The following GPR141 variants were observed in gnomAD, a reference collection of about 807,000 sequenced individuals.
GPR141 encodes the protein probable G protein-coupled receptor 141.
GPR141 carries 6 observed loss-of-function variants against 6.8 expected under a neutral mutation model. The ratio of observed to expected loss-of-function variants is 0.88; its 90% CI spans 0.48 to 1.74. The LOEUF (loss-of-function observed/expected upper bound fraction) is 1.74. Among genes scored for constraint, GPR141 ranks in the 40% most tolerant of loss-of-function variants. GPR141 has a pLI of 0.01. For synonymous variants in GPR141, 140 were observed against 142.3 expected (o/e 0.98, Z 0.11); for missense variants, 372 against 372.9 (o/e 1.00, Z 0.02).
At chr7:37,705,021 T>C (rs1810462651) in intron 2 of GPR141, among the ~76,000 whole-genome samples, 1 of 152,182 alleles carries the variant, frequency 6.6e-6, no homozygotes, top group African/African-American at 2.4e-5. Context: ...ATACTTAGTA[T>C]GCAATAGCCA....
rs374814193 is a variant in GPR141, at chr7:37,727,932, G to A, written c.-14-12448G>A. Among the ~76,000 whole-genome samples, 6 of 152,342 alleles carry A rather than the reference G, an allele frequency of 3.9e-5. No homozygotes were observed. The East Asian group carries it at 1.2e-3, about 29-fold the overall frequency. On this transcript the variant is annotated intron_variant, in intron 2 of 2. Coordinates refer to ENST00000334425, the MANE Select transcript of GPR141 (RefSeq NM_001381946.1). ...ATGCCGTAAATATGGGAATCCTCAT[G>A]TACAGATTCTCACCCACGTTCTCCT...
At chr7:37,727,094 C>T (rs373255048) in intron 2 of GPR141, among the ~76,000 whole-genome samples, 12 of 152,154 alleles carry the variant, frequency 7.9e-5, no homozygotes, top group South Asian at 4.1e-4. Context: ...TATTATACAT[C>T]GAAGTGGATA....
At chr7:37,696,942 A>G (rs1810044745) in intron 2 of GPR141, among the ~76,000 whole-genome samples, 1 of 152,194 alleles carries the variant, frequency 6.6e-6, no homozygotes, top group African/African-American at 2.4e-5. Flanking sequence ...ATAGTAAAAT[A>G]GAAATGATTT....
intron 2 of GPR141, among the ~76,000 whole-genome samples, chr7:37,720,042 T>G (rs1811243006): frequency 6.6e-6 from 1 of 152,138 alleles, no homozygotes; most frequent in Non-Finnish European, 1.5e-5. Context: ...GGAGGGTTAC[T>G]GGTCAAAGAG....
intron 2 of GPR141, among the ~76,000 whole-genome samples, chr7:37,695,927 GGTCCCTTGTATAAATGA>G (rs1467606230): frequency 2.6e-5 from 4 of 152,008 alleles, no homozygotes; most frequent in Non-Finnish European, 5.9e-5. Flanking sequence ...GACAATTTTA[GGTCCCTTGTATAAATGA>G]AATTACATAA....
intron 2 of GPR141, among the ~76,000 whole-genome samples, chr7:37,737,240 T>C (rs1163932094): frequency 2.0e-5 from 3 of 152,238 alleles, no homozygotes; most frequent in Admixed American, 2.0e-4. Flanking sequence ...TTTATTATAA[T>C]TCCTGTGTTT....
At chr7:37,689,868 CTTG>C (rs971713862) in intron 2 of GPR141, among the ~76,000 whole-genome samples, 14 of 150,734 alleles carry the variant, frequency 9.3e-5, no homozygotes, top group South Asian at 2.1e-4. Context: ...TTTCATTTCT[CTTG>C]TTATTTTTTT....
intron 2 of GPR141, among the ~76,000 whole-genome samples, chr7:37,696,956 C>T (rs1477033774): frequency 6.6e-6 from 1 of 151,782 alleles, no homozygotes; most frequent in African/African-American, 2.4e-5. Context: ...ATGATTTTAC[C>T]TAATTTATCT....
intron 2 of GPR141, among the ~76,000 whole-genome samples, chr7:37,688,824 C>G (rs566736072): frequency 6.6e-6 from 1 of 152,286 alleles, no homozygotes; most frequent in African/African-American, 2.4e-5. Context: ...AAGGGCTTAT[C>G]AAAATTTTCC....
chr7:37,721,693 T>C (rs1456355950), intron 2 of GPR141, among the ~76,000 whole-genome samples: 2 of 152,202 alleles, frequency 1.3e-5, no homozygotes, highest in Non-Finnish European at 2.9e-5. Flanking sequence ...TGGCAGATTA[T>C]ATTGGGCTCC....
At position 37,740,403 on chromosome 7, in the gene GPR141, C is replaced by T; in HGVS notation, c.10C>T (p.His4Tyr). The T allele has an allele frequency of 6.3e-7, 1 of 1,595,516 alleles. No homozygotes were observed. The highest frequency in any genetic ancestry group is 8.6e-7 in the Non-Finnish European group (1 of 1,167,758). ...AGGTGACTTCCCAAGTATGCCTGGC[C>T]ACAATACCTCCAGGAATTCCTCTTG... MPG[H>Y]NTSRNSSCDP... Residue 4 changes from histidine (H) to tyrosine (Y), a missense_variant, in exon 3 of 3, where the codon CAC becomes TAC. Physicochemically the swap from His to Tyr is moderately conservative, Grantham distance 83 (BLOSUM62 2). Transcript: ENST00000334425.
intron 2 of GPR141, among the ~76,000 whole-genome samples, chr7:37,730,467 A>G (rs1308800405): frequency 6.6e-6 from 1 of 152,234 alleles, no homozygotes; most frequent in East Asian, 1.9e-4. Context: ...ATCTAAACAT[A>G]TATCATCTAA....
In GPR141 at chr7:37,740,676, C is replaced by T. The variant is rs1164638823; in HGVS notation, c.283C>T (p.Leu95=). ...LPFCKFVSAM[L]HIHMYLTFLF... is the part of the protein sequence containing the mutation. ...CTTCTGCAAATTTGTGAGTGCCATG[C>T]TGCACATCCACATGTACCTCACGTT... is the stretch of plus-strand genomic sequence containing the variant. Residue 95 remains leucine (L), a synonymous_variant, in exon 3 of 3, where the codon CTG becomes TTG. Transcript: ENST00000334425. 18 of 1,614,016 alleles carry T rather than the reference C, an allele frequency of 1.1e-5. No homozygotes were observed. Among genetic ancestry groups the T allele is most frequent in the Non-Finnish European group, 1.4e-5 (16 of 1,180,006 alleles).
chr7:37,734,218 T>G (rs1277117602), intron 2 of GPR141, among the ~76,000 whole-genome samples: 1 of 152,182 alleles, frequency 6.6e-6, no homozygotes, highest in Non-Finnish European at 1.5e-5. Context: ...ATGTTGTATA[T>G]TGTTTTAATT....
chr7:37,739,351 G>A (rs1015676360), intron 2 of GPR141, among the ~76,000 whole-genome samples: 2 of 152,122 alleles, frequency 1.3e-5, no homozygotes, highest in African/African-American at 4.8e-5. Context: ...AGAGTATCAA[G>A]ACACTTCTTT....
intron 2 of GPR141, among the ~76,000 whole-genome samples, chr7:37,738,507 T>G (rs1812365431): frequency 6.6e-6 from 1 of 152,168 alleles, no homozygotes; most frequent in South Asian, 2.1e-4. Context: ...GATTTCAGCC[T>G]ACGGATGAAA....
chr7:37,708,310 C>CAAAAAATAAAAAAAAA, intron 2 of GPR141, among the ~76,000 whole-genome samples: 1 of 59,778 alleles, frequency 1.7e-5, no homozygotes, highest in Non-Finnish European at 2.8e-5. Flanking sequence ...AAATTGCTGG[C>CAAAAAATAAAAAAAAA]AAAAAAAAAA....
chr7:37,727,610 A>T (rs1228202447), intron 2 of GPR141, among the ~76,000 whole-genome samples: 1 of 152,120 alleles, frequency 6.6e-6, no homozygotes, highest in Non-Finnish European at 1.5e-5. Context: ...ATATCCAGTG[A>T]CTGTTCTTTG....
chr7:37,733,279 G>C (rs559838532), intron 2 of GPR141, among the ~76,000 whole-genome samples: 8 of 152,248 alleles, frequency 5.3e-5, no homozygotes, highest in African/African-American at 1.9e-4. Context: ...TTTTGGGATG[G>C]GAAGAAGCCC....
Sources: gnomAD v4.1 joint callset for allele counts (sites outside exome capture counted in the v4.1 genomes callset) on GRCh38, gnomAD v4.1.1 for gene constraint, MANE v1.5 for transcripts, NCBI Gene and HGNC (gene_info 2026-07-23, HGNC 2026-07-21) for gene names.